NRIP2: variants seen among roughly 807,000 people sequenced by gnomAD.
The protein encoded by NRIP2 is nuclear receptor-interacting protein 2.
Under a neutral mutation model 34.1 loss-of-function variants are expected in NRIP2, and 27 were observed. That is an observed-to-expected ratio of 0.79 (90% confidence interval 0.58 to 1.09). The LOEUF is 1.09. NRIP2 is among the 50% of genes least tolerant of loss of function. The pLI is 0.00. For missense variants in NRIP2, 385 were observed against 352.6 expected (o/e 1.09, Z -0.74); for synonymous variants, 145 against 146.9 (o/e 0.99, Z 0.09).
At position 2,833,519 on chromosome 12, in the gene NRIP2, T is replaced by A. The variant is rs144194296; in HGVS notation, c.342+1123A>T. On this transcript the variant is annotated intron_variant, in intron 1 of 5. Coordinates refer to ENST00000337508, the MANE Select transcript of NRIP2 (RefSeq NM_031474.3). ...GGAAAGGCGAGGTGCTGCACTGGCC[T>A]TCAGGTTCCCGGGGAGAAGCAGTTG... is the stretch of plus-strand genomic sequence containing the variant. Among the ~76,000 whole-genome samples the A allele has an allele frequency of 6.6e-3, 1,009 of 152,064 alleles. 11 individuals are homozygous for A. The highest frequency in any genetic ancestry group is 0.023 in the African/African-American group (970 of 41,502).
rs2097961965 is a variant in NRIP2, at chr12:2,825,444, C to G, written c.*1763G>C. ...AGTTACAGAAGCAGCAGGAGGCAGA[C>G]AAGGAAAGGCACAGCACAAGACCCA... On this transcript the variant is annotated 3_prime_UTR_variant, in exon 6 of 6. Coordinates refer to ENST00000337508, the MANE Select transcript of NRIP2 (RefSeq NM_031474.3). 6.6e-6 allele frequency: 1 copy of G among 152,480 alleles called. No homozygotes were observed. Among genetic ancestry groups the G allele is most frequent in the Non-Finnish European group, 1.5e-5 (1 of 68,200 alleles). 9.4% of individuals were successfully genotyped at this position (152,480 alleles called of 1,614,324 possible).
chr12:2,831,554 A>T (rs2153926226), intron 1 of NRIP2, among the ~76,000 whole-genome samples: 1 of 151,974 alleles, frequency 6.6e-6, no homozygotes, highest in East Asian at 1.9e-4. Flanking sequence ...ACTGCACTCC[A>T]GTCTGGTTGA....
intron 1 of NRIP2, among the ~76,000 whole-genome samples, chr12:2,831,751 T>C (rs1483260349): frequency 1.3e-5 from 2 of 151,952 alleles, no homozygotes; most frequent in Non-Finnish European, 2.9e-5. Context: ...TTCTCTCTCT[T>C]CTTTCTTTTC....
chr12:2,830,950 T>TCCCCCCCCCCCC (rs544510879), intron 1 of NRIP2, 90 bp from the exon 2 acceptor site: 2 of 1,383,858 alleles, frequency 1.4e-6, no homozygotes, highest in African/African-American at 3.0e-5. Flanking sequence ...CCCAGGATGC[T>TCCCCCCCCCCCC]CCCCCCACCC....
At chr12:2,832,947 G>A (rs1376431946) in intron 1 of NRIP2, among the ~76,000 whole-genome samples, 1 of 151,822 alleles carries the variant, frequency 6.6e-6, no homozygotes, top group Non-Finnish European at 1.5e-5. Flanking sequence ...TCTGGGATTG[G>A]CTGGAGAGAC....
intron 1 of NRIP2, among the ~76,000 whole-genome samples, chr12:2,831,179 A>T (rs1026240852): frequency 1.3e-5 from 2 of 151,904 alleles, no homozygotes; most frequent in Non-Finnish European, 2.9e-5. Context: ...GTTTTGTCTC[A>T]AACTTACATT....
intron 3 of NRIP2, 71 bp from the exon 4 acceptor site, chr12:2,828,118 T>C: frequency 1.4e-6 from 2 of 1,427,172 alleles, no homozygotes; most frequent in Non-Finnish European, 1.9e-6. Context: ...TCAGCAGGTG[T>C]CCCTCTCTAC....
intron 1 of NRIP2, among the ~76,000 whole-genome samples, chr12:2,833,786 T>TAAATATATTAGCTCTAACA (rs1206949035): frequency 6.6e-6 from 1 of 152,206 alleles, no homozygotes; most frequent in Non-Finnish European, 1.5e-5. Context: ...CTAAGTGCTT[T>TAAATATATTAGCTCTAACA]AAATATATTA....
chr12:2,830,810 C>G lies in NRIP2; in HGVS notation c.393G>C (p.Trp131Cys), dbSNP rs547041689. The change falls in exon 2 of 6, where the codon TGG becomes TGC. Residue 131 changes from tryptophan (W) to cysteine (C), a missense_variant. Transcript: ENST00000337508. The part of the protein sequence containing the change: ...QRRLVEGNPN[W>C]LQGEPPRMQD... ...GCATCCGGGGAGGCTCCCCCTGAAG[C>G]CAATTCGGGTTTCCCTCCACCAGGC... The G allele has an allele frequency of 1.2e-6, 2 of 1,613,794 alleles. No homozygotes were observed. The highest frequency in any genetic ancestry group is 1.7e-5 in the Admixed American group (1 of 59,994).
rs3056874 is a variant in NRIP2, at chr12:2,826,563, C to CAA, written c.*643_*644insTT. ...CAAGGTTTTGCACAGGGTAATCAAA[C>CAA]TAACTGGCTTCAGACATTTGCAGCC... On this transcript the variant is annotated 3_prime_UTR_variant, in exon 6 of 6. Coordinates refer to ENST00000337508, the MANE Select transcript of NRIP2 (RefSeq NM_031474.3). 0.25 allele frequency: 37,523 copies of CAA among 152,444 alleles called. 5,170 individuals carry two copies. The highest frequency in any genetic ancestry group is 0.47 in the East Asian group (2,395 of 5,142). The allele number at this position is 152,444 out of a possible 1,614,324, so 9.4% of individuals were successfully genotyped here.
intron 2 of NRIP2, among the ~76,000 whole-genome samples, chr12:2,829,728 C>T (rs2097990337): frequency 6.6e-6 from 1 of 151,950 alleles, no homozygotes. Context: ...GATCATGCCA[C>T]TACACTCCAG....
Position 2,827,453 on chromosome 12 carries a change from A to T in NRIP2, c.754-154T>A. On this transcript the variant is annotated intron_variant, in intron 5 of 5. Transcript: ENST00000337508. This position sits in a 1 kb window ranked among gnomAD's most constrained non-coding sequence, Gnocchi z 4.0. ...CCCTAGACTCCTGTTGAAGGGGGTGACCCAGTTCTCTTGATTTTTCACTTG... is the reference window on the plus strand; with the variant it reads ...CCCTAGACTCCTGTTGAAGGGGGTGTCCCAGTTCTCTTGATTTTTCACTTG... 5.1e-6 allele frequency: 5 copies of T among 985,328 alleles called. No homozygotes were observed. Among genetic ancestry groups the T allele is most frequent in the Non-Finnish European group, 6.0e-6 (5 of 829,916 alleles). The allele number at this position is 985,328 out of a possible 1,614,324, so 61.0% of individuals were successfully genotyped here. A position where few individuals can be genotyped will look rare whatever the true frequency, so the allele number is the denominator to read the frequency against.
rs1179608847 is a variant in NRIP2, at chr12:2,828,423, G to C, written c.496-9C>G. 6 of 1,611,650 alleles carry C rather than the reference G, an allele frequency of 3.7e-6. No individual in the cohort carries two copies. In the Admixed American group the frequency reaches 1.0e-4, roughly 27 times the overall value. ...AGCAGCTGGTCCTGGCACTAAGAAA[G>C]AAGAATCGTGGTGAATCAGTGAGTC... On this transcript the variant is annotated splice_polypyrimidine_tract_variant and intron_variant, in intron 2 of 5. Transcript: ENST00000337508.
chr12:2,833,675 C>G (rs537955646), intron 1 of NRIP2, among the ~76,000 whole-genome samples: 6 of 152,230 alleles, frequency 3.9e-5, no homozygotes, highest in Admixed American at 2.6e-4. Flanking sequence ...TTCCTCTCTT[C>G]CACGGGTCAG....
intron 1 of NRIP2, among the ~76,000 whole-genome samples, chr12:2,833,739 A>G (rs2098014554): frequency 6.6e-6 from 1 of 152,150 alleles, no homozygotes; most frequent in South Asian, 2.1e-4. Flanking sequence ...GAATAATAAT[A>G]ATAGCATTTA....
In NRIP2 at chr12:2,827,790, T is replaced by A; in HGVS notation, c.701-113A>T. ...ACCCCATCCCCAGATCCGAGGACAC[T>A]GGCACAGAGATGGGGGATAGTCAGA... On this transcript the variant is annotated intron_variant, in intron 4 of 5. Coordinates refer to ENST00000337508, the MANE Select transcript of NRIP2 (RefSeq NM_031474.3). The surrounding 1 kb of genome is among the most constrained non-coding windows in gnomAD (Gnocchi z 4.0). 6.2e-7 allele frequency: 1 copy of A among 1,604,980 alleles called. No individual in the cohort carries two copies. The highest frequency in any genetic ancestry group is 8.5e-7 in the Non-Finnish European group (1 of 1,175,996).
chr12:2,826,902 AC>A lies in NRIP2; in HGVS notation c.*304del. On this transcript the variant is annotated 3_prime_UTR_variant, in exon 6 of 6. Coordinates refer to ENST00000337508, the MANE Select transcript of NRIP2 (RefSeq NM_031474.3). ...AGCCTTCGACCCAGCCCAAGCAGGC[AC>A]CCCATTGTGCTTAGGTTCCTATCTG... is the stretch of plus-strand genomic sequence containing the variant. 1 of 1,015,600 alleles carries A rather than the reference AC, an allele frequency of 9.8e-7. No homozygotes were observed. The highest frequency in any genetic ancestry group is 1.3e-6 in the Non-Finnish European group (1 of 793,404). 62.9% of individuals were successfully genotyped at this position (1,015,600 alleles called of 1,614,324 possible).
Position 2,827,597 on chromosome 12 carries a change from T to C in NRIP2, c.753+28A>G, listed in dbSNP as rs1433473746. The C allele has an allele frequency of 5.6e-6, 9 of 1,614,138 alleles. No homozygotes were observed. Among genetic ancestry groups the C allele is most frequent in the Non-Finnish European group, 7.6e-6 (9 of 1,180,002 alleles). ...CTTCTACTACTTTTTCCCAGTGCTTTGGGTCAGGCCCTGAGTGGGTGCCTT... is the reference window on the plus strand; with the variant it reads ...CTTCTACTACTTTTTCCCAGTGCTTCGGGTCAGGCCCTGAGTGGGTGCCTT... On this transcript the variant is annotated intron_variant, in intron 5 of 5. Transcript: ENST00000337508. This position sits in a 1 kb window ranked among gnomAD's most constrained non-coding sequence, Gnocchi z 4.0.
intron 1 of NRIP2, among the ~76,000 whole-genome samples, chr12:2,832,063 T>C (rs1342787756): frequency 6.6e-6 from 1 of 152,120 alleles, no homozygotes; most frequent in Non-Finnish European, 1.5e-5. Flanking sequence ...CTCCAAAATG[T>C]GGTCCTCAGA....
Sources: allele counts gnomAD v4.1 joint callset (sites outside exome capture counted in the v4.1 genomes callset), GRCh38; gene constraint gnomAD v4.1.1; non-coding constraint Gnocchi (gnomAD v3.1); transcripts MANE v1.5; gene names NCBI Gene and HGNC (gene_info 2026-07-23, HGNC 2026-07-21).